The following BPIFC variants were observed in gnomAD, a reference collection of about 807,000 sequenced individuals.
The protein encoded by BPIFC is BPI fold containing family C, also known as BPI fold-containing family C protein.
In BPIFC, 60 loss-of-function variants were observed where a neutral mutation model predicts 57.6. The observed-to-expected ratio is 1.04, with a 90% CI of 0.85 to 1.29. The LOEUF is 1.29. BPIFC is among the 50% of genes most tolerant of loss of function. BPIFC has a pLI of 0.00. For synonymous variants in BPIFC, 243 were observed against 224.5 expected, an observed-to-expected ratio of 1.08 and a Z score of -0.74; for missense variants, 581 against 600.5, an observed-to-expected ratio of 0.97 and a Z score of 0.34.
chr22:32,429,637 C>A (rs1934184887), intron 13 of BPIFC, among the ~76,000 whole-genome samples: 1 of 150,762 alleles, frequency 6.6e-6, no homozygotes, highest in Non-Finnish European at 1.5e-5. Flanking sequence ...CTGTCTCAGG[C>A]TCCCGAGTAG....
At chr22:32,451,502 T>C (rs1601480470) in intron 4 of BPIFC, among the ~76,000 whole-genome samples, 1 of 152,006 alleles carries the variant, frequency 6.6e-6, no homozygotes, top group East Asian at 1.9e-4. Context: ...TTGAGAACAC[T>C]TGGACACAGG....
chr22:32,438,077 T>A (rs1601464388), intron 8 of BPIFC, among the ~76,000 whole-genome samples: 1 of 152,304 alleles, frequency 6.6e-6, no homozygotes, highest in East Asian at 1.9e-4. Flanking sequence ...GAGAGAAGCA[T>A]CACTAAAATT....
Position 32,435,925 on chromosome 22 carries a change from C to G in BPIFC, c.748-45G>C, listed in dbSNP as rs911271063. On this transcript the variant is annotated intron_variant, in intron 9 of 16. Transcript: ENST00000300399. ...AAGACCAGTGTATCAGGTGAAAACT[C>G]AAATTCTAAGAAGACTAAGAAGATG... 3.2e-6 allele frequency: 5 copies of G among 1,566,952 alleles called. No individual in the cohort carries two copies. The East Asian group carries it at 6.7e-5, about 21-fold the overall frequency.
chr22:32,445,516 G>T (rs2076032), intron 7 of BPIFC, 119 bp downstream of exon 7: 1 of 1,094,166 alleles, frequency 9.1e-7, no homozygotes, highest in South Asian at 1.3e-5. Context: ...CAGCCTGGGC[G>T]ACAGAGCGAG....
intron 15 of BPIFC, among the ~76,000 whole-genome samples, chr22:32,416,400 G>C (rs572323558): frequency 6.6e-6 from 1 of 152,162 alleles, no homozygotes; most frequent in East Asian, 1.9e-4. Context: ...CTTTTTAATA[G>C]TTGATCTTTT....
In BPIFC at chr22:32,429,427, C is replaced by G. The variant is rs148188507; in HGVS notation, c.1217+1920G>C. On this transcript the variant is annotated intron_variant, in intron 13 of 16. Coordinates refer to ENST00000300399, the MANE Select transcript of BPIFC (RefSeq NM_174932.3). ...TTCACCATGTTAGCCAGGATGGTCT[C>G]GATCTCCTGACCTCATGATCCGCTC... Among the ~76,000 whole-genome samples the G allele has an allele frequency of 2.0e-5, 3 of 150,954 alleles. No individual in the cohort carries two copies. The East Asian group carries it at 5.9e-4, about 30-fold the overall frequency.
chr22:32,441,799 G>C (rs927709666), intron 8 of BPIFC, among the ~76,000 whole-genome samples: 2 of 152,270 alleles, frequency 1.3e-5, no homozygotes, highest in African/African-American at 2.4e-5. Flanking sequence ...TAGCACCAGG[G>C]ACCAGTTTAA....
chr22:32,457,517 CCATT>C (rs987174818), intron 2 of BPIFC, 131 bp from the exon 3 acceptor site: 187 of 984,264 alleles, frequency 1.9e-4, no homozygotes, highest in Non-Finnish European at 2.7e-4. Flanking sequence ...TCCAATCCAT[CCATT>C]CATCCATCCA....
At chr22:32,454,092 T>C (rs1934973994) in intron 3 of BPIFC, among the ~76,000 whole-genome samples, 1 of 152,140 alleles carries the variant, frequency 6.6e-6, no homozygotes, top group South Asian at 2.1e-4. Context: ...ACCTGGGCAG[T>C]AGAGTAAGAC....
At chr22:32,438,192 G>GGAATGT (rs143113648) in intron 8 of BPIFC, among the ~76,000 whole-genome samples, 3,869 of 152,072 alleles carry the variant, frequency 0.025, 120 homozygotes, top group East Asian at 0.13. Flanking sequence ...TGTAATAAAA[G>GGAATGT]GAATGTGAAT....
At chr22:32,424,618 C>CTT (rs1933956509) in intron 13 of BPIFC, among the ~76,000 whole-genome samples, 1 of 42,596 alleles carries the variant, frequency 2.3e-5, no homozygotes, top group Non-Finnish European at 4.2e-5. Flanking sequence ...TCCTCCTCCT[C>CTT]CTCCTCCTCC....
chr22:32,460,071 A>T (rs1935131365), intron 2 of BPIFC, among the ~76,000 whole-genome samples: 1 of 152,120 alleles, frequency 6.6e-6, no homozygotes, highest in South Asian at 2.1e-4. Flanking sequence ...AGGTGAGGCC[A>T]TGGAGGTGGG....
intron 12 of BPIFC, among the ~76,000 whole-genome samples, chr22:32,432,063 T>C (rs973498927): frequency 1.3e-5 from 2 of 151,920 alleles, no homozygotes; most frequent in African/African-American, 4.8e-5. Flanking sequence ...GCCTCCTGAG[T>C]AGCTAGGATG....
chr22:32,448,229 T>C (rs1216149457), intron 4 of BPIFC, among the ~76,000 whole-genome samples: 2 of 151,930 alleles, frequency 1.3e-5, no homozygotes, highest in African/African-American at 2.4e-5. Context: ...CCACCACACC[T>C]GGATAATTTT....
At chr22:32,447,705 A>T (rs534695177) in intron 4 of BPIFC, among the ~76,000 whole-genome samples, 117 of 149,276 alleles carry the variant, frequency 7.8e-4, no homozygotes, top group African/African-American at 2.8e-3. Flanking sequence ...TCCTGGGCTC[A>T]GGTAATCCTC....
At position 32,450,245 on chromosome 22, in the gene BPIFC, G is replaced by A. The variant is rs377471242; in HGVS notation, c.246-2905C>T. On this transcript the variant is annotated intron_variant, in intron 4 of 16. Transcript: ENST00000300399. ...CTTAGATACAAAAGTACTTACCATT[G>A]TATTACAATTGCTTACAGTATTCAG... Among the ~76,000 whole-genome samples the A allele has an allele frequency of 1.8e-4, 28 of 151,896 alleles. 1 individual carries two copies. The East Asian group carries it at 4.8e-3, about 26-fold the overall frequency.
rs759601092 is a variant in BPIFC, at chr22:32,435,690, T to C, written c.924+14A>G. 1 of 1,608,778 alleles carries C rather than the reference T, an allele frequency of 6.2e-7. No individual in the cohort carries two copies. Among genetic ancestry groups the C allele is most frequent in the Admixed American group, 1.7e-5 (1 of 59,084 alleles). ...TGATGGTGACCATTGACATCCTCAG[T>C]TAACTCTCCTCACCTCTTCGGTGGA... On this transcript the variant is annotated intron_variant, in intron 10 of 16. Coordinates refer to ENST00000300399, the MANE Select transcript of BPIFC (RefSeq NM_174932.3).
In BPIFC at chr22:32,419,374, G is replaced by A; in HGVS notation, c.1248C>T (p.Arg416=). Residue 416 remains arginine, a synonymous_variant, in exon 14 of 17, where the codon CGC becomes CGT. Coordinates refer to ENST00000300399, the MANE Select transcript of BPIFC (RefSeq NM_174932.3). ...RFRLALPESN[R]SNIEVLRFEN... is the part of the protein sequence containing the mutation. The stretch of plus-strand genomic sequence containing the variant: ...CTCAGATTCCTACCTCAATGTTGCT[G>A]CGATTGGACTCTGGCAAAGCAAGGC... 6.2e-7 allele frequency: 1 copy of A among 1,613,868 alleles called. No individual in the cohort carries two copies. Among genetic ancestry groups the A allele is most frequent in the Non-Finnish European group, 8.5e-7 (1 of 1,179,848 alleles).
chr22:32,450,093 T>TACACACAC (rs59948938), intron 4 of BPIFC, among the ~76,000 whole-genome samples: 9 of 145,616 alleles, frequency 6.2e-5, no homozygotes, highest in South Asian at 2.2e-4. Flanking sequence ...TCAAAGAGCA[T>TACACACAC]ACACACACAC....
Sources: gnomAD v4.1 joint callset for allele counts (sites outside exome capture counted in the v4.1 genomes callset) on GRCh38, gnomAD v4.1.1 for gene constraint, MANE v1.5 for transcripts, NCBI Gene and HGNC (gene_info 2026-07-23, HGNC 2026-07-21) for gene names.